LPP: variants seen among roughly 807,000 people sequenced by gnomAD.
The protein encoded by LPP is LIM domain containing preferred translocation partner in lipoma.
In LPP, 38 loss-of-function variants were observed where a neutral mutation model predicts 60.4. That is an observed-to-expected ratio of 0.63 (90% confidence interval 0.49 to 0.83). LPP has a LOEUF of 0.83. Ranked by LOEUF, LPP falls within the 40% of genes least tolerant of loss-of-function variation. The pLI is 0.00. For synonymous variants in LPP, 328 were observed against 290.8 expected, an observed-to-expected ratio of 1.13 and a Z score of -1.30; for missense variants, 902 against 783.6, an observed-to-expected ratio of 1.15 and a Z score of -1.80.
At chr3:188,611,627 C>T (rs1383874193) in intron 7 of LPP, among the ~76,000 whole-genome samples, 2 of 152,206 alleles carry the variant, frequency 1.3e-5, no homozygotes, top group Non-Finnish European at 2.9e-5. Context: ...AACAGGGTGA[C>T]TGAAAGGATG....
At chr3:188,676,167 G>C (rs937869337) in intron 7 of LPP, among the ~76,000 whole-genome samples, 1 of 152,120 alleles carries the variant, frequency 6.6e-6, no homozygotes, top group Admixed American at 6.5e-5. Context: ...TGGTGGAATC[G>C]AATTCTTGAA....
rs538365171 is a variant in LPP, at chr3:188,757,476, C to T, written c.1241-2637C>T. On this transcript the variant is annotated intron_variant, in intron 8 of 11. Transcript: ENST00000617246. ...TTCTTGGATTCCAGGTATTACACTT[C>T]GGGCATCATAGTCTGAATCAAAATT... Among the ~76,000 whole-genome samples, 9 of 152,286 alleles carry T rather than the reference C, an allele frequency of 5.9e-5. No homozygotes were observed. In the South Asian group the frequency reaches 8.3e-4, roughly 14 times the overall value.
At chr3:188,640,180 A>G (rs1199601251) in intron 7 of LPP, among the ~76,000 whole-genome samples, 1 of 150,618 alleles carries the variant, frequency 6.6e-6, no homozygotes, top group East Asian at 2.0e-4. Flanking sequence ...ATGGAATACT[A>G]TGCAGCCATA....
At chr3:188,309,925 G>T (rs536762001) in intron 2 of LPP, among the ~76,000 whole-genome samples, 8 of 152,220 alleles carry the variant, frequency 5.3e-5, no homozygotes, top group African/African-American at 1.7e-4. Flanking sequence ...AGACCACAGA[G>T]AGTAAAAAGG....
chr3:188,773,910 G>C (rs1347856565), intron 9 of LPP, among the ~76,000 whole-genome samples: 1 of 152,140 alleles, frequency 6.6e-6, no homozygotes, highest in Admixed American at 6.6e-5. Context: ...GAAGAGACCT[G>C]TCCCAATGTG....
At chr3:188,629,575 AC>A (rs1405509296) in intron 7 of LPP, among the ~76,000 whole-genome samples, 8 of 152,154 alleles carry the variant, frequency 5.3e-5, no homozygotes, top group African/African-American at 1.9e-4. Context: ...CAGAGATGAA[AC>A]AAATATATGG....
chr3:188,731,609 G>A (rs1383631609), intron 8 of LPP, among the ~76,000 whole-genome samples: 9 of 151,578 alleles, frequency 5.9e-5, no homozygotes, highest in South Asian at 2.1e-4. Flanking sequence ...TGCAACCTCC[G>A]CCTCCTGGGT....
chr3:188,505,784 A>G (rs1813273787), intron 5 of LPP, among the ~76,000 whole-genome samples: 1 of 152,124 alleles, frequency 6.6e-6, no homozygotes, highest in South Asian at 2.1e-4. Context: ...GTTACAACCT[A>G]CTCATTGCCT....
intron 2 of LPP, among the ~76,000 whole-genome samples, chr3:188,293,067 T>A (rs1746564568): frequency 6.6e-6 from 1 of 152,204 alleles, no homozygotes; most frequent in Admixed American, 6.5e-5. Flanking sequence ...CTTCTCTGAG[T>A]TTCTCTCATA....
intron 8 of LPP, chr3:188,743,538 G>T (rs1274486044): frequency 6.6e-6 from 1 of 152,012 alleles, no homozygotes; most frequent in Non-Finnish European, 1.5e-5. Context: ...AATTAAGAGG[G>T]TAATCTAGGG....
chr3:188,294,212 G>C (rs1281070508), intron 2 of LPP, among the ~76,000 whole-genome samples: 2 of 152,112 alleles, frequency 1.3e-5, no homozygotes. Context: ...GATAGGTAGT[G>C]ATTGCTAATA....
In LPP at chr3:188,875,319, A is replaced by G. The variant is rs1470060450; in HGVS notation, c.*840A>G. The G allele has an allele frequency of 4.6e-6, 1 of 219,066 alleles. No homozygotes were observed. The highest frequency in any genetic ancestry group is 9.1e-6 in the Non-Finnish European group (1 of 109,302). The allele number at this position is 219,066 out of a possible 1,614,324, so 13.6% of individuals were successfully genotyped here. The stretch of plus-strand genomic sequence containing the variant: ...CTACCTGAACATTGTAATACAGACA[A>G]ACTTGATTTCTTCTAGAAGATAACA... On this transcript the variant is annotated 3_prime_UTR_variant, in exon 12 of 12. Transcript: ENST00000617246.
In LPP at chr3:188,889,231, G is replaced by T. The variant is rs568784947; in HGVS notation, c.*14752G>T. The T allele has an allele frequency of 8.7e-5, 20 of 230,440 alleles. No individual in the cohort carries two copies. Among genetic ancestry groups the T allele is most frequent in the Middle Eastern group, 1.3e-3 (1 of 772 alleles). 14.3% of individuals were successfully genotyped at this position (230,440 alleles called of 1,614,324 possible). A position where few individuals can be genotyped will look rare whatever the true frequency, so the allele number is the denominator to read the frequency against. ...TTATTTGATGGCTTTTGTTTCCATA[G>T]TTCCATCACTGACAAAACTGTCAAT... On this transcript the variant is annotated 3_prime_UTR_variant, in exon 12 of 12. Coordinates refer to ENST00000617246, the MANE Select transcript of LPP (RefSeq NM_001375462.1).
chr3:188,758,511 A>G (rs1288906286), intron 8 of LPP, among the ~76,000 whole-genome samples: 27 of 152,212 alleles, frequency 1.8e-4, no homozygotes, highest in Non-Finnish European at 8.8e-5. Context: ...ACTTTGGGTT[A>G]TATTTAAAGT....
chr3:188,653,546 T>G (rs972491893), intron 7 of LPP, among the ~76,000 whole-genome samples: 1 of 152,110 alleles, frequency 6.6e-6, no homozygotes, highest in African/African-American at 2.4e-5. Flanking sequence ...CATCCATATA[T>G]AATAGATGGT....
intron 8 of LPP, chr3:188,711,037 A>G (rs945126118): frequency 6.6e-6 from 1 of 152,214 alleles, no homozygotes; most frequent in African/African-American, 2.4e-5. Flanking sequence ...CATGTAGAAT[A>G]TGCTCAATAC....
chr3:188,264,829 C>A (rs1442015917), intron 2 of LPP, among the ~76,000 whole-genome samples: 1 of 150,104 alleles, frequency 6.7e-6, no homozygotes, highest in Non-Finnish European at 1.5e-5. Flanking sequence ...CCTTTTTTTT[C>A]TTTTTATAAC....
chr3:188,827,806 A>G (rs934357715), intron 9 of LPP, among the ~76,000 whole-genome samples: 7 of 151,920 alleles, frequency 4.6e-5, no homozygotes, highest in African/African-American at 1.7e-4. Context: ...TGGACTGTAA[A>G]TCTCTCATCG....
intron 4 of LPP, among the ~76,000 whole-genome samples, chr3:188,422,538 C>T (rs764070322): frequency 6.6e-6 from 1 of 152,098 alleles, no homozygotes; most frequent in South Asian, 2.1e-4. Flanking sequence ...GCAAACACCT[C>T]ATTAAACTAA....
Sources: gnomAD v4.1 joint callset for allele counts (sites outside exome capture counted in the v4.1 genomes callset) on GRCh38, gnomAD v4.1.1 for gene constraint, MANE v1.5 for transcripts, NCBI Gene and HGNC (gene_info 2026-07-23, HGNC 2026-07-21) for gene names.